Variants in RNF145 observed in about 807,000 individuals in gnomAD.
The protein encoded by RNF145 is ring finger protein 145.
RNF145 carries 12 observed loss-of-function variants against 57.3 expected under a neutral mutation model. The observed-to-expected ratio is 0.21, with a 90% confidence interval of 0.13 to 0.34. The LOEUF (loss-of-function observed/expected upper bound fraction) is 0.34. Ranked by LOEUF, RNF145 falls within the 10% of genes least tolerant of loss-of-function variation. RNF145 has a pLI of 1.00. For synonymous variants in RNF145, 262 were observed against 288.3 expected (o/e 0.91, Z 0.92); for missense variants, 429 against 799.0 (o/e 0.54, Z 5.58).
Position 159,171,669 on chromosome 5 carries a change from T to A in RNF145, c.798-1850A>T, listed in dbSNP as rs1464439726. ...ACCTTTTTTTTGATTTGCAGTTTGA[T>A]CTGGTGTGCTTTATTGTTGGTTGGT... is the stretch of plus-strand genomic sequence containing the variant. On this transcript the variant is annotated intron_variant, in intron 6 of 10. Coordinates refer to ENST00000424310, the MANE Select transcript of RNF145 (RefSeq NM_001199383.2). 2.6e-5 allele frequency among the ~76,000 whole-genome samples: 4 copies of A among 152,298 alleles called. No homozygotes were observed. In the South Asian group the frequency reaches 8.3e-4, roughly 32 times the overall value.
intron 3 of RNF145, among the ~76,000 whole-genome samples, chr5:159,193,351 C>T (rs1785350726): frequency 6.6e-6 from 1 of 152,116 alleles, no homozygotes; most frequent in African/African-American, 2.4e-5. Flanking sequence ...AAGACACCAT[C>T]CTCCAGGCAC....
In RNF145 at chr5:159,207,605, A is replaced by C. The variant is rs182620212; in HGVS notation, c.-40+1626T>G. The C allele has an allele frequency of 1.9e-6, 3 of 1,594,822 alleles. No homozygotes were observed. In the Admixed American group the frequency reaches 5.4e-5, roughly 29 times the overall value. On this transcript the variant is annotated intron_variant, in intron 1 of 10. Transcript: ENST00000424310. ...GGTAGGCCTCACTGAAAATGTTAAG[A>C]GCACAAAGCTAGAGCCTAAAATTCT...
At chr5:159,188,849 C>A (rs1382412041) in intron 3 of RNF145, among the ~76,000 whole-genome samples, 1 of 152,066 alleles carries the variant, frequency 6.6e-6, no homozygotes, top group East Asian at 1.9e-4. Context: ...AACAGAAACC[C>A]AACTTTTCAA....
chr5:159,204,335 G>T (rs575155015), intron 1 of RNF145, among the ~76,000 whole-genome samples: 1 of 151,800 alleles, frequency 6.6e-6, no homozygotes, highest in Non-Finnish European at 1.5e-5. Context: ...CATGGAAGAC[G>T]CCAGGCATTG....
intron 10 of RNF145, chr5:159,161,063 C>A (rs1236129569): frequency 5.8e-6 from 3 of 514,762 alleles, no homozygotes; most frequent in Non-Finnish European, 1.0e-5. Flanking sequence ...TACATTAGAA[C>A]CCAAGGGACT....
chr5:159,209,201 G>T (rs1786018199), intron 1 of RNF145, 30 bp downstream of exon 1: 2 of 962,804 alleles, frequency 2.1e-6, no homozygotes, highest in South Asian at 4.8e-5. Context: ...GCGCGGGGAT[G>T]GGAAGGGGCC....
At chr5:159,160,883 C>A (rs1437955480) in intron 10 of RNF145, among the ~76,000 whole-genome samples, 2 of 152,114 alleles carry the variant, frequency 1.3e-5, no homozygotes. Context: ...TCTGGAAATA[C>A]TAGAGGGAAA....
chr5:159,205,782 T>G (rs906094866), intron 1 of RNF145, among the ~76,000 whole-genome samples: 9 of 152,180 alleles, frequency 5.9e-5, no homozygotes, highest in African/African-American at 2.2e-4. Context: ...AGGGAGGAGC[T>G]ATTACTGATT....
intron 2 of RNF145, among the ~76,000 whole-genome samples, chr5:159,203,020 A>C (rs1785725086): frequency 6.6e-6 from 1 of 152,066 alleles, no homozygotes; most frequent in Admixed American, 6.6e-5. Flanking sequence ...CTTTATCTTC[A>C]GCTGATGTTA....
intron 3 of RNF145, among the ~76,000 whole-genome samples, chr5:159,189,928 C>T (rs552008963): frequency 1.1e-3 from 173 of 152,226 alleles, no homozygotes; most frequent in African/African-American, 4.1e-3. Flanking sequence ...GGGAAATAGA[C>T]AATGATTGCT....
chr5:159,201,493 C>T (rs1785664905), intron 2 of RNF145, among the ~76,000 whole-genome samples: 1 of 152,128 alleles, frequency 6.6e-6, no homozygotes, highest in Admixed American at 6.6e-5. Flanking sequence ...TACGAAGATA[C>T]TATGCCAACG....
chr5:159,176,394 T>A (rs1217537865), intron 5 of RNF145, among the ~76,000 whole-genome samples: 2 of 152,080 alleles, frequency 1.3e-5, no homozygotes, highest in Admixed American at 6.6e-5. Flanking sequence ...AACAGCAGCA[T>A]CAGGGTTCGA....
chr5:159,180,509 A>G (rs892376587), intron 4 of RNF145, among the ~76,000 whole-genome samples: 38 of 152,050 alleles, frequency 2.5e-4, no homozygotes, highest in African/African-American at 7.5e-4. Flanking sequence ...GGAAAACCCT[A>G]TAAGGCATTT....
At chr5:159,194,864 T>A (rs773045902) in intron 2 of RNF145, 40 bp from the exon 3 acceptor site, 7 of 1,360,502 alleles carry the variant, frequency 5.1e-6, no homozygotes. Context: ...TTTAATTTAG[T>A]TTCCCAATTA....
At position 159,157,607 on chromosome 5, in the gene RNF145, C is replaced by T. The variant is rs1784083609; in HGVS notation, c.*1063G>A. ...AAAATTCCCATAAAAAATTACATTC[C>T]CCCCTCCCCAGTTCTACCTGTAGCC... is the stretch of plus-strand genomic sequence containing the variant. On this transcript the variant is annotated 3_prime_UTR_variant, in exon 11 of 11. Coordinates refer to ENST00000424310, the MANE Select transcript of RNF145 (RefSeq NM_001199383.2). 6.6e-6 allele frequency: 1 copy of T among 152,502 alleles called. No homozygotes were observed. Among genetic ancestry groups the T allele is most frequent in the Non-Finnish European group, 1.5e-5 (1 of 68,000 alleles). The allele number at this position is 152,502 out of a possible 1,614,324, so 9.4% of individuals were successfully genotyped here. A position where few individuals can be genotyped will look rare whatever the true frequency, so the allele number is the denominator to read the frequency against.
intron 1 of RNF145, among the ~76,000 whole-genome samples, chr5:159,206,409 G>A (rs552553012): frequency 1.1e-3 from 164 of 152,256 alleles, no homozygotes; most frequent in Non-Finnish European, 2.0e-3. Flanking sequence ...CCCTTCTAAA[G>A]TAAAAGAGCA....
chr5:159,194,654 T>C, intron 3 of RNF145, 62 bp downstream of exon 3: 1 of 1,092,208 alleles, frequency 9.2e-7, no homozygotes, highest in Non-Finnish European at 1.4e-6. Flanking sequence ...GAAAAGTATT[T>C]TATTGGCAAA....
At position 159,159,043 on chromosome 5, in the gene RNF145, A is replaced by G. The variant is rs374067062; in HGVS notation, c.1627-8T>C. On this transcript the variant is annotated splice_polypyrimidine_tract_variant and splice_region_variant and intron_variant, in intron 10 of 10. Coordinates refer to ENST00000424310, the MANE Select transcript of RNF145 (RefSeq NM_001199383.2). The stretch of plus-strand genomic sequence containing the variant: ...CACAGCAGATTTCATGTCCTAAAAG[A>G]GGGGGAAAAAAGATACCTTATAAAT... 8.7e-6 allele frequency: 14 copies of G among 1,602,600 alleles called. No homozygotes were observed. The East Asian group carries it at 2.2e-4, about 26-fold the overall frequency.
At chr5:159,198,398 T>C (rs1785535265) in intron 2 of RNF145, among the ~76,000 whole-genome samples, 1 of 152,206 alleles carries the variant, frequency 6.6e-6, no homozygotes, top group Admixed American at 6.5e-5. Context: ...TTAAACATTA[T>C]GGTAGTTGTA....
Sources: gnomAD v4.1 joint callset for allele counts (sites outside exome capture counted in the v4.1 genomes callset) on GRCh38, gnomAD v4.1.1 for gene constraint, MANE v1.5 for transcripts, NCBI Gene and HGNC (gene_info 2026-07-23, HGNC 2026-07-21) for gene names.